The following ANKRD30BL variants were observed in gnomAD, a reference collection of about 807,000 sequenced individuals.
ANKRD30BL encodes putative ankyrin repeat domain-containing protein 30B-like.
A neutral mutation model predicts 18.4 loss-of-function variants in ANKRD30BL; 20 were observed. That is an observed-to-expected ratio of 1.09 (90% CI 0.77 to 1.58). The LOEUF (loss-of-function observed/expected upper bound fraction) is 1.58, where lower values mean the gene tolerates loss of function less well. ANKRD30BL is among the 40% of genes most tolerant of loss of function. The pLI, the probability that ANKRD30BL is intolerant of heterozygous loss-of-function variation, is 0.00. For missense variants in ANKRD30BL, 224 were observed against 268.6 expected, an observed-to-expected ratio of 0.83 and a Z score of 1.16; for synonymous variants, 72 against 100.9, an observed-to-expected ratio of 0.71 and a Z score of 1.72.
intron 1 of ANKRD30BL, among the ~76,000 whole-genome samples, chr2:132,215,734 T>G (rs1573851602): frequency 6.6e-6 from 1 of 152,014 alleles, no homozygotes; most frequent in Admixed American, 6.6e-5. Flanking sequence ...TGACAAATTC[T>G]TTGTGATGTG....
chr2:132,224,578 A>C (rs145483387), intron 1 of ANKRD30BL, among the ~76,000 whole-genome samples: 1 of 151,592 alleles, frequency 6.6e-6, no homozygotes, highest in African/African-American at 2.4e-5. Flanking sequence ...TGAAACACTC[A>C]TTTTGTAGAA....
upstream of ANKRD30BL, among the ~76,000 whole-genome samples, chr2:132,165,494 C>A (rs1295375854): frequency 3.3e-5 from 5 of 149,330 alleles, no homozygotes; most frequent in Admixed American, 3.4e-4. Context: ...AGGAGTTGGA[C>A]AACAGCCTGG....
chr2:132,194,250 T>A (rs1678919816), intron 1 of ANKRD30BL, among the ~76,000 whole-genome samples: 1 of 152,142 alleles, frequency 6.6e-6, no homozygotes, highest in South Asian at 2.1e-4. Context: ...ATCATGGGAA[T>A]TTTGGAAGAG....
intron 1 of ANKRD30BL, among the ~76,000 whole-genome samples, chr2:132,229,934 TG>T (rs920147717): frequency 1.3e-5 from 2 of 152,118 alleles, no homozygotes; most frequent in Admixed American, 1.3e-4. Context: ...TTGGAACGCT[TG>T]GAGGCCTTCT....
At chr2:132,241,419 C>A (rs190026843) in intron 1 of ANKRD30BL, among the ~76,000 whole-genome samples, 1 of 148,700 alleles carries the variant, frequency 6.7e-6, no homozygotes, top group Non-Finnish European at 1.5e-5. Flanking sequence ...AGAGTTGAAC[C>A]TTCCCTTTCA....
rs540041401 is a variant in ANKRD30BL at position 132,147,728 on chromosome 2, A to G, written c.*403T>C. On this transcript the variant is annotated 3_prime_UTR_variant, in exon 6 of 6. Transcript: ENST00000409867. ...GTCCCTACTGTTGTGTCTTTTCCCTATTGGATAGGGTTGGACTGCACACTC... is the reference window on the plus strand; with the variant it reads ...GTCCCTACTGTTGTGTCTTTTCCCTGTTGGATAGGGTTGGACTGCACACTC... The G allele has an allele frequency of 1.8e-4, 30 of 170,146 alleles. No individual in the cohort carries two copies. The highest frequency in any genetic ancestry group is 6.8e-4 in the African/African-American group (29 of 42,358). 10.5% of individuals were successfully genotyped at this position (170,146 alleles called of 1,614,324 possible).
chr2:132,150,801 A>G (rs180764175), intron 5 of ANKRD30BL, 111 bp downstream of exon 5: 4,620 of 430,534 alleles, frequency 0.011, 49 homozygotes, highest in Middle Eastern at 0.038. Flanking sequence ...ATAGGTCTAT[A>G]TGTAAACACA....
chr2:132,241,972 T>C (rs1384424469), intron 1 of ANKRD30BL, among the ~76,000 whole-genome samples: 4 of 151,826 alleles, frequency 2.6e-5, no homozygotes, highest in Non-Finnish European at 4.4e-5. Context: ...TTTTGTAGAA[T>C]CTGCAAGTGG....
At chr2:132,237,055 C>G (rs1224403744) in intron 1 of ANKRD30BL, among the ~76,000 whole-genome samples, 2 of 151,442 alleles carry the variant, frequency 1.3e-5, no homozygotes, top group South Asian at 2.1e-4. Flanking sequence ...TATTCTCACT[C>G]ATAGGTGGGA....
chr2:132,257,322 C>G (rs944506342), intron 1 of ANKRD30BL, among the ~76,000 whole-genome samples: 3 of 149,306 alleles, frequency 2.0e-5, no homozygotes, highest in Admixed American at 2.0e-4. Context: ...GGCAGAGAGC[C>G]GGCTCACAGC....
chr2:132,151,224 G>A (rs1687745524), intron 4 of ANKRD30BL, among the ~76,000 whole-genome samples: 1 of 152,178 alleles, frequency 6.6e-6, no homozygotes, highest in African/African-American at 2.4e-5. Context: ...GAGGTAGCTT[G>A]ACATGTGGAA....
chr2:132,254,609 C>T (rs75644235), intron 1 of ANKRD30BL, among the ~76,000 whole-genome samples: 1 of 152,330 alleles, frequency 6.6e-6, no homozygotes, highest in Admixed American at 6.5e-5. Context: ...TGATCACCAT[C>T]GCCAATGAGG....
chr2:132,149,715 T>C (rs972336176), intron 5 of ANKRD30BL, among the ~76,000 whole-genome samples: 1 of 150,782 alleles, frequency 6.6e-6, no homozygotes. Context: ...AGCCCACTAA[T>C]AGACAGATTT....
chr2:132,256,858 C>A, intron 1 of ANKRD30BL: 1 of 433,246 alleles, frequency 2.3e-6, no homozygotes, highest in East Asian at 7.3e-5. Context: ...AGGCGGTGAG[C>A]CGCTCGGGGA....
intron 1 of ANKRD30BL, among the ~76,000 whole-genome samples, chr2:132,245,246 G>C (rs1680463799): frequency 6.6e-6 from 1 of 152,290 alleles, no homozygotes; most frequent in African/African-American, 2.4e-5. Flanking sequence ...ATAACTTTGA[G>C]GCCTTTGCTG....
In ANKRD30BL at chr2:132,208,237, T is replaced by C. The variant is rs1443776296; in HGVS notation, n.441+49292A>G. 2.0e-5 allele frequency among the ~76,000 whole-genome samples: 3 copies of C among 152,264 alleles called. No individual in the cohort carries two copies. The East Asian group carries it at 5.8e-4, about 29-fold the overall frequency. Reference sequence around the variant, plus strand: ...TCCTTCTTAACATTTGCATTTTATTTAGAATACACATCCAAATATGTTTTA... The same window carrying C: ...TCCTTCTTAACATTTGCATTTTATTCAGAATACACATCCAAATATGTTTTA... On this transcript the variant is annotated intron_variant and non_coding_transcript_variant, in intron 1 of 4. Transcript: ENST00000470729.
At chr2:132,167,414 T>A (rs1688208878) in intron 1 of ANKRD30BL, among the ~76,000 whole-genome samples, 1 of 151,846 alleles carries the variant, frequency 6.6e-6, no homozygotes, top group South Asian at 2.1e-4. Context: ...AACCTCCACA[T>A]CTCAGGTTAA....
rs1209887230 is a variant in ANKRD30BL at position 132,228,725 on chromosome 2, G to A, written n.441+28804C>T. Among the ~76,000 whole-genome samples the A allele has an allele frequency of 6.2e-5, 9 of 145,710 alleles. 1 individual carries two copies. Among genetic ancestry groups the A allele is most frequent in the African/African-American group, 1.4e-4 (5 of 35,582 alleles). On this transcript the variant is annotated intron_variant and non_coding_transcript_variant, in intron 1 of 4. Transcript: ENST00000470729. ...CACTCTTTTTGTAGAATCTGCAAGC[G>A]GACATTTGGAGTGCTTTGTGGCCTA...
chr2:132,169,081 C>G (rs1688234035), intron 1 of ANKRD30BL, among the ~76,000 whole-genome samples: 1 of 152,064 alleles, frequency 6.6e-6, no homozygotes, highest in Admixed American at 6.6e-5. Context: ...TTTGATAACA[C>G]TTAATTTTTG....
Sources: allele counts gnomAD v4.1 joint callset (sites outside exome capture counted in the v4.1 genomes callset), GRCh38; gene constraint gnomAD v4.1.1; transcripts MANE v1.5; gene names NCBI Gene and HGNC (gene_info 2026-07-23, HGNC 2026-07-21).